PCDHGA1: variants seen among roughly 807,000 people sequenced by gnomAD.
PCDHGA1 encodes protocadherin gamma subfamily A, 1.
A neutral mutation model predicts 58.0 loss-of-function variants in PCDHGA1; 32 were observed. The observed-to-expected ratio is 0.55, with a 90% CI of 0.42 to 0.74. The LOEUF (loss-of-function observed/expected upper bound fraction) is 0.74, where lower values mean the gene tolerates loss of function less well. Ranked by LOEUF, PCDHGA1 falls within the 30% of genes least tolerant of loss-of-function variation. The pLI, the probability that PCDHGA1 is intolerant of heterozygous loss-of-function variation, is 0.00. For synonymous variants in PCDHGA1, 498 were observed against 501.1 expected, an observed-to-expected ratio of 0.99 and a Z score of 0.08; for missense variants, 1,205 against 1,182.3, an observed-to-expected ratio of 1.02 and a Z score of -0.28.
chr5:141,383,971 G>GAA, intron 1 of PCDHGA1: 1 of 1,613,662 alleles, frequency 6.2e-7, no homozygotes, highest in African/African-American at 1.3e-5. Context: ...CTCAATCCCT[G>GAA]AAGACACACC....
chr5:141,380,608 T>C (rs1014267122), intron 1 of PCDHGA1, among the ~76,000 whole-genome samples: 2 of 152,244 alleles, frequency 1.3e-5, no homozygotes. Flanking sequence ...TATTTAATTT[T>C]ATGATGTTCG....
chr5:141,350,240 G>C (rs1016552981), intron 1 of PCDHGA1: 1 of 1,504,636 alleles, frequency 6.6e-7, no homozygotes, highest in African/African-American at 1.4e-5. Flanking sequence ...GAGGAAAGAA[G>C]CTCCGCGGAG....
intron 1 of PCDHGA1, chr5:141,395,463 C>G (rs1164636639): frequency 6.9e-6 from 4 of 582,400 alleles, no homozygotes; most frequent in African/African-American, 5.7e-5. Flanking sequence ...CCATTTTAAG[C>G]CTTCCAGTAT....
At chr5:141,369,276 A>T (rs1275189413) in intron 1 of PCDHGA1, among the ~76,000 whole-genome samples, 1 of 152,086 alleles carries the variant, frequency 6.6e-6, no homozygotes, top group Non-Finnish European at 1.5e-5. Context: ...CTTACAATTC[A>T]CTCCCCAATC....
At chr5:141,460,596 C>G (rs930441447) in intron 1 of PCDHGA1, among the ~76,000 whole-genome samples, 2 of 151,986 alleles carry the variant, frequency 1.3e-5, no homozygotes, top group Non-Finnish European at 2.9e-5. Flanking sequence ...TTTCTGGGCT[C>G]TCTGTGTTAG....
At chr5:141,461,924 A>C (rs930104571) in intron 1 of PCDHGA1, among the ~76,000 whole-genome samples, 1 of 152,100 alleles carries the variant, frequency 6.6e-6, no homozygotes, top group East Asian at 1.9e-4. Context: ...CCTGGGTTCC[A>C]GCAATTCTCC....
chr5:141,462,811 T>C (rs893444929), intron 1 of PCDHGA1, among the ~76,000 whole-genome samples: 1 of 152,206 alleles, frequency 6.6e-6, no homozygotes, highest in Non-Finnish European at 1.5e-5. Context: ...ATAATGTTTT[T>C]ATTGGACAGC....
chr5:141,388,723 C>T, intron 1 of PCDHGA1: 1 of 1,614,018 alleles, frequency 6.2e-7, no homozygotes, highest in Non-Finnish European at 8.5e-7. Flanking sequence ...ATTACTTTCT[C>T]TTTCAGTGAA....
chr5:141,503,401 C>A (rs987421198), intron 2 of PCDHGA1, among the ~76,000 whole-genome samples: 15 of 151,848 alleles, frequency 9.9e-5, no homozygotes, highest in Non-Finnish European at 1.9e-4. Context: ...TCGAAACCAA[C>A]CTGGCCAATA....
At chr5:141,384,417 C>CATGGAG (rs1451567690) in intron 1 of PCDHGA1, 1 of 1,613,844 alleles carries the variant, frequency 6.2e-7, no homozygotes, top group East Asian at 2.2e-5. Flanking sequence ...CCTATGTCTC[C>CATGGAG]ATAAACTCTG....
At chr5:141,425,860 A>G (rs1445251215) in intron 1 of PCDHGA1, among the ~76,000 whole-genome samples, 1 of 152,248 alleles carries the variant, frequency 6.6e-6, no homozygotes, top group Non-Finnish European at 1.5e-5. Context: ...TGACTGTTCT[A>G]TAGATTCCCA....
At chr5:141,422,126 GAGA>G (rs767100115) in intron 1 of PCDHGA1, 2 of 1,601,210 alleles carry the variant, frequency 1.2e-6, no homozygotes, top group South Asian at 2.3e-5. Context: ...TCACAAACTG[GAGA>G]AGTTCAAGTA....
In PCDHGA1 at chr5:141,331,452, G is replaced by A. The variant is rs544131057; in HGVS notation, c.768G>A (p.Pro256=). Residue 256 remains proline (P), a synonymous_variant, in exon 1 of 4, where the codon CCG becomes CCA. Transcript: ENST00000517417. The part of the protein sequence containing the change: ...QYHINVPENV[P]LGTQLLMVNA... ...ATATAAATGTCCCCGAAAACGTGCCGCTGGGTACTCAGCTGCTCATGGTAA... is the reference window on the plus strand; with the variant it reads ...ATATAAATGTCCCCGAAAACGTGCCACTGGGTACTCAGCTGCTCATGGTAA... The A allele has an allele frequency of 9.9e-6, 16 of 1,614,120 alleles. No homozygotes were observed. The South Asian group carries it at 1.1e-4, about 11-fold the overall frequency.
intron 1 of PCDHGA1, chr5:141,361,938 C>T (rs778338184): frequency 1.2e-6 from 2 of 1,605,814 alleles, no homozygotes; most frequent in East Asian, 4.5e-5. Context: ...CAGGACACAA[C>T]GCTTGGCTGT....
intron 1 of PCDHGA1, among the ~76,000 whole-genome samples, chr5:141,368,272 C>G (rs1227481804): frequency 1.3e-5 from 2 of 152,064 alleles, no homozygotes; most frequent in Non-Finnish European, 2.9e-5. Flanking sequence ...ATTAAAGAAC[C>G]TAAGACCACT....
At chr5:141,405,757 C>T (rs754575292) in intron 1 of PCDHGA1, among the ~76,000 whole-genome samples, 13 of 152,264 alleles carry the variant, frequency 8.5e-5, no homozygotes, top group East Asian at 3.9e-4. Context: ...GGATTACAGG[C>T]GTGAGCCACT....
chr5:141,346,143 TTCCTGGCCTTCGTCA>T (rs1757701320), intron 1 of PCDHGA1: 1 of 1,613,880 alleles, frequency 6.2e-7, no homozygotes, highest in South Asian at 1.1e-5. Flanking sequence ...CTCCTGCGTC[TTCCTGGCCTTCGTCA>T]TCGTGCTGCT....
At chr5:141,418,316 A>G in intron 1 of PCDHGA1, 1 of 1,614,026 alleles carries the variant, frequency 6.2e-7, no homozygotes, top group Non-Finnish European at 8.5e-7. Context: ...GATGGGAACA[A>G]TTCTTGAGTC....
chr5:141,359,108 A>G (rs1202027326), intron 1 of PCDHGA1, among the ~76,000 whole-genome samples: 1 of 152,248 alleles, frequency 6.6e-6, no homozygotes, highest in Non-Finnish European at 1.5e-5. Flanking sequence ...TTGTATTCAT[A>G]GAAAGTTGTG....
Sources: allele counts gnomAD v4.1 joint callset (sites outside exome capture counted in the v4.1 genomes callset), GRCh38; gene constraint gnomAD v4.1.1; transcripts MANE v1.5; gene names NCBI Gene and HGNC (gene_info 2026-07-23, HGNC 2026-07-21).